The following FRMPD3 variants were observed in gnomAD, a reference collection of about 807,000 sequenced individuals.
The protein encoded by FRMPD3 is FERM and PDZ domain-containing protein 3.
FRMPD3 carries 42 observed loss-of-function variants against 97.9 expected under a neutral mutation model. The ratio of observed to expected loss-of-function variants is 0.43; its 90% confidence interval spans 0.34 to 0.55. The LOEUF (loss-of-function observed/expected upper bound fraction) is 0.55. Ranked by LOEUF, FRMPD3 falls within the 20% of genes least tolerant of loss-of-function variation. The pLI is 0.03. For missense variants in FRMPD3, 1,303 were observed against 1,457.7 expected (o/e 0.89, Z 1.73); for synonymous variants, 577 against 581.1 (o/e 0.99, Z 0.10).
intron 1 of FRMPD3, among the ~76,000 whole-genome samples, chrX:107,493,372 T>C (rs1175064486): frequency 9.0e-6 from 1 of 110,974 alleles, no homozygotes; most frequent in Admixed American, 9.7e-5. Context: ...AGCAGTGTCA[T>C]GTCTGTGCTT....
At chrX:107,487,326 G>T (rs768329128) in intron 1 of FRMPD3, among the ~76,000 whole-genome samples, 1 of 111,410 alleles carries the variant, frequency 9.0e-6, no homozygotes, top group Non-Finnish European at 1.9e-5. Context: ...TGCTTGGTAA[G>T]AATGAAAGAT....
Position 107,598,152 on chromosome X carries a change from G to A in FRMPD3, c.2263+10G>A, listed in dbSNP as rs1017589902. The A allele has an allele frequency of 2.5e-6, 3 of 1,178,387 alleles. No homozygotes were observed. Among genetic ancestry groups the A allele is most frequent in the South Asian group, 1.9e-5 (1 of 53,842 alleles). On this transcript the variant is annotated intron_variant, in intron 14 of 14. Coordinates refer to ENST00000683843, the MANE Select transcript of FRMPD3 (RefSeq NM_001388459.1). ...CCCCCACAGACTGCAGGTAATGACC[G>A]ATTCCTTCTCCCTCTTTCCACCCCC... is the stretch of plus-strand genomic sequence containing the variant.
At chrX:107,572,908 C>CTACTAATAATAA (rs796610991) in intron 12 of FRMPD3, among the ~76,000 whole-genome samples, 12 of 101,004 alleles carry the variant, frequency 1.2e-4, no homozygotes, top group South Asian at 4.8e-4. Context: ...ACTACTACTA[C>CTACTAATAATAA]TAATAATAAT....
At chrX:107,585,392 A>T (rs745755791) in intron 13 of FRMPD3, among the ~76,000 whole-genome samples, 4 of 111,716 alleles carry the variant, frequency 3.6e-5, no homozygotes, top group Admixed American at 1.9e-4. Flanking sequence ...CTGCAAACAG[A>T]GACAATTTGA....
chrX:107,488,552 C>G (rs941031690), intron 1 of FRMPD3, among the ~76,000 whole-genome samples: 6 of 112,045 alleles, frequency 5.4e-5, no homozygotes, highest in African/African-American at 1.9e-4. Flanking sequence ...GATTCATGGC[C>G]TAAAACAATA....
intron 12 of FRMPD3, among the ~76,000 whole-genome samples, chrX:107,566,209 A>G (rs974911880): frequency 1.8e-5 from 2 of 113,380 alleles, no homozygotes; most frequent in African/African-American, 6.4e-5. Flanking sequence ...GGAAGCTCTT[A>G]GAGGAGTTGC....
At position 107,552,735 on chromosome X, in the gene FRMPD3, G is replaced by A. The variant is rs1602807481; in HGVS notation, c.511-60G>A. 4 of 1,151,824 alleles carry A rather than the reference G, an allele frequency of 3.5e-6. No homozygotes were observed. In the East Asian group the frequency reaches 1.2e-4, roughly 35 times the overall value. 94.9% of individuals were successfully genotyped at this position (1,151,824 alleles called of 1,213,427 possible). A position where few individuals can be genotyped will look rare whatever the true frequency, so the allele number is the denominator to read the frequency against. On this transcript the variant is annotated intron_variant, in intron 6 of 14. Coordinates refer to ENST00000683843, the MANE Select transcript of FRMPD3 (RefSeq NM_001388459.1). ...TTTAATCCCCCCTCCCATGTTTGAT[G>A]CTTAGAATAGCTTAGGGCCAGAACT...
At chrX:107,517,777 GAAAGA>G (rs371662099) in intron 1 of FRMPD3, among the ~76,000 whole-genome samples, 1,706 of 80,199 alleles carry the variant, frequency 0.021, 57 homozygotes, top group African/African-American at 0.078. Flanking sequence ...AAAAAAGAAA[GAAAGA>G]AAAGAAAAGA....
At chrX:107,515,878 A>AT in intron 1 of FRMPD3, among the ~76,000 whole-genome samples, 1 of 111,609 alleles carries the variant, frequency 9.0e-6, no homozygotes. Context: ...AACATCCTCC[A>AT]TTTTTTTAAA....
intron 10 of FRMPD3, 27 bp from the exon 11 acceptor site, chrX:107,563,084 C>T: frequency 8.6e-7 from 1 of 1,168,047 alleles, no homozygotes; most frequent in Non-Finnish European, 1.2e-6. Context: ...TCAGGCTTCT[C>T]ATATTTCTGG....
chrX:107,561,764 C>T (rs750355666), intron 10 of FRMPD3, among the ~76,000 whole-genome samples: 157 of 112,496 alleles, frequency 1.4e-3, no homozygotes, highest in African/African-American at 4.8e-3. Flanking sequence ...CAAATTTCCC[C>T]GGAGAGTTAA....
Position 107,561,761 on chromosome X carries a change from C to T in FRMPD3, c.1026+908C>T, listed in dbSNP as rs180997265. Among the ~76,000 whole-genome samples the T allele has an allele frequency of 3.6e-4, 41 of 112,561 alleles. No homozygotes were observed. In the Admixed American group the frequency reaches 3.8e-3, roughly 10 times the overall value. ...AGCTTCTCTTTTAAGATGCAAATTT[C>T]CCCGGAGAGTTAAGCCATTCCCACC... On this transcript the variant is annotated intron_variant, in intron 10 of 14. Transcript: ENST00000683843.
intron 1 of FRMPD3, among the ~76,000 whole-genome samples, chrX:107,502,288 C>T (rs1013377098): frequency 3.6e-5 from 4 of 110,309 alleles, no homozygotes; most frequent in African/African-American, 1.3e-4. Flanking sequence ...GCTCCGGCTA[C>T]GAGCAGAAAG....
intron 13 of FRMPD3, among the ~76,000 whole-genome samples, chrX:107,581,100 T>C (rs1173022828): frequency 9.0e-6 from 1 of 111,266 alleles, no homozygotes; most frequent in Non-Finnish European, 1.9e-5. Context: ...GTACCCTTTT[T>C]TGCTCTGTTT....
chrX:107,499,245 C>T (rs1473238602), intron 1 of FRMPD3, among the ~76,000 whole-genome samples: 2 of 111,918 alleles, frequency 1.8e-5, no homozygotes, highest in East Asian at 2.8e-4. Context: ...GAGCTAAGTC[C>T]GGAAGGATAA....
chrX:107,454,718 A>G (rs1931347298), intron 1 of FRMPD3, among the ~76,000 whole-genome samples: 1 of 112,090 alleles, frequency 8.9e-6, no homozygotes, highest in Non-Finnish European at 1.9e-5. Flanking sequence ...CTGTGGGATA[A>G]ATTTCAGCCT....
In FRMPD3 at chrX:107,501,876, C is replaced by T. The variant is rs949425039; in HGVS notation, c.-7-24706C>T. ...ACCTCTCCAAGCCTCAGTTTCCTCA[C>T]TCATTCCACAGGGATCAGGAATCAC... On this transcript the variant is annotated intron_variant, in intron 1 of 14. Transcript: ENST00000683843. Among the ~76,000 whole-genome samples the T allele has an allele frequency of 2.7e-4, 30 of 109,904 alleles. No individual in the cohort carries two copies. In the Admixed American group the frequency reaches 2.9e-3, roughly 11 times the overall value.
chrX:107,492,056 C>T (rs770801797), intron 1 of FRMPD3, among the ~76,000 whole-genome samples: 4 of 110,834 alleles, frequency 3.6e-5, no homozygotes, highest in Non-Finnish European at 5.7e-5. Flanking sequence ...ATTTCAGTAT[C>T]ATTTGCTCAT....
intron 1 of FRMPD3, among the ~76,000 whole-genome samples, chrX:107,480,831 A>G (rs1418353461): frequency 1.9e-5 from 2 of 104,029 alleles, no homozygotes; most frequent in Non-Finnish European, 3.9e-5. Context: ...CGTCAAAAAA[A>G]AAAAAAAAGA....
Sources: gnomAD v4.1 joint callset for allele counts (sites outside exome capture counted in the v4.1 genomes callset) on GRCh38, gnomAD v4.1.1 for gene constraint, MANE v1.5 for transcripts, NCBI Gene and HGNC (gene_info 2026-07-23, HGNC 2026-07-21) for gene names.